Variants in ADAMTS6 observed in about 807,000 individuals in gnomAD.
ADAMTS6 encodes ADAM metallopeptidase with thrombospondin type 1 motif 6, also known as A disintegrin and metalloproteinase with thrombospondin motifs 6.
In ADAMTS6, 23 loss-of-function variants were observed where a neutral mutation model predicts 144.3. The observed-to-expected ratio is 0.16, with a 90% CI of 0.11 to 0.23. The LOEUF is 0.23. ADAMTS6 is among the 10% of genes least tolerant of loss of function. The probability of loss-of-function intolerance (pLI) is 1.00; values close to 1 mark genes in which losing one functional copy is unlikely to be tolerated. For missense variants in ADAMTS6, 999 were observed against 1,379.6 expected, an observed-to-expected ratio of 0.72 and a Z score of 4.37; for synonymous variants, 444 against 457.5, an observed-to-expected ratio of 0.97 and a Z score of 0.38.
chr5:65,184,961 C>A (rs985086139), intron 22 of ADAMTS6, among the ~76,000 whole-genome samples: 7 of 152,124 alleles, frequency 4.6e-5, no homozygotes, highest in Non-Finnish European at 1.0e-4. Context: ...TTGAACCTCA[C>A]CCTTGTGATT....
intron 7 of ADAMTS6, among the ~76,000 whole-genome samples, chr5:65,382,538 G>C (rs995778621): frequency 1.3e-5 from 2 of 152,204 alleles, no homozygotes; most frequent in Non-Finnish European, 2.9e-5. Context: ...AAGCACTTAA[G>C]AATTTCAAGA....
intron 1 of ADAMTS6, among the ~76,000 whole-genome samples, chr5:65,477,155 C>T (rs2150293084): frequency 6.6e-6 from 1 of 152,284 alleles, no homozygotes; most frequent in East Asian, 1.9e-4. Flanking sequence ...TAAACCTTCC[C>T]ATGTAATATT....
At chr5:65,414,042 C>T (rs1484876925) in intron 7 of ADAMTS6, among the ~76,000 whole-genome samples, 1 of 152,094 alleles carries the variant, frequency 6.6e-6, no homozygotes, top group Non-Finnish European at 1.5e-5. Flanking sequence ...TCATAAAACC[C>T]TCATGTACAA....
At chr5:65,413,706 AAATT>A (rs1162189625) in intron 7 of ADAMTS6, among the ~76,000 whole-genome samples, 1 of 152,164 alleles carries the variant, frequency 6.6e-6, no homozygotes, top group East Asian at 1.9e-4. Context: ...TAGAGCAATT[AAATT>A]AATAAAATAT....
At chr5:65,185,136 G>A (rs1256443001) in intron 22 of ADAMTS6, among the ~76,000 whole-genome samples, 1 of 152,140 alleles carries the variant, frequency 6.6e-6, no homozygotes, top group African/African-American at 2.4e-5. Flanking sequence ...ATTAGTGGGA[G>A]GTGTTCCATT....
At chr5:65,396,768 C>G (rs1396203824) in intron 7 of ADAMTS6, among the ~76,000 whole-genome samples, 1 of 152,162 alleles carries the variant, frequency 6.6e-6, no homozygotes, top group East Asian at 1.9e-4. Flanking sequence ...ATGTTTGCAT[C>G]TATGCTCATA....
At chr5:65,179,555 A>G (rs1754204137) in intron 22 of ADAMTS6, among the ~76,000 whole-genome samples, 1 of 152,172 alleles carries the variant, frequency 6.6e-6, no homozygotes, top group Non-Finnish European at 1.5e-5. Flanking sequence ...CTTAATTAGG[A>G]AAGAGGCTAT....
At chr5:65,239,427 T>C (rs1758977477) in intron 15 of ADAMTS6, among the ~76,000 whole-genome samples, 1 of 152,180 alleles carries the variant, frequency 6.6e-6, no homozygotes, top group Non-Finnish European at 1.5e-5. Flanking sequence ...ATCATAGATG[T>C]AAATGTAAGG....
At chr5:65,264,004 C>A (rs1456229482) in intron 12 of ADAMTS6, among the ~76,000 whole-genome samples, 1 of 152,068 alleles carries the variant, frequency 6.6e-6, no homozygotes, top group East Asian at 1.9e-4. Flanking sequence ...ATTCTATCAC[C>A]AAGCTTTGTT....
intron 15 of ADAMTS6, among the ~76,000 whole-genome samples, chr5:65,231,620 T>C (rs1201648148): frequency 6.6e-6 from 1 of 152,136 alleles, no homozygotes; most frequent in African/African-American, 2.4e-5. Context: ...GATACATACA[T>C]GTTAGGCCAC....
intron 7 of ADAMTS6, among the ~76,000 whole-genome samples, chr5:65,389,207 GA>G (rs1265528223): frequency 4.5e-4 from 62 of 137,646 alleles, no homozygotes; most frequent in African/African-American, 6.6e-4. Context: ...CCATCTCAAA[GA>G]AAAAAAAAAA....
At chr5:65,372,842 A>C (rs919634734) in intron 7 of ADAMTS6, among the ~76,000 whole-genome samples, 1 of 152,126 alleles carries the variant, frequency 6.6e-6, no homozygotes, top group Admixed American at 6.5e-5. Flanking sequence ...TCCAAAATTG[A>C]CCACATAGTT....
chr5:65,475,907 G>T (rs1472850679), intron 1 of ADAMTS6, among the ~76,000 whole-genome samples: 1 of 152,108 alleles, frequency 6.6e-6, no homozygotes, highest in Non-Finnish European at 1.5e-5. Flanking sequence ...TGCCCCTGTG[G>T]CAGTGTAGAC....
chr5:65,376,381 G>T (rs372211185), intron 7 of ADAMTS6, among the ~76,000 whole-genome samples: 6 of 152,230 alleles, frequency 3.9e-5, no homozygotes, highest in Admixed American at 3.3e-4. Context: ...AACCCAGGAG[G>T]TGGAGGTTGC....
At chr5:65,232,009 G>A (rs1024630616) in intron 15 of ADAMTS6, among the ~76,000 whole-genome samples, 7 of 152,120 alleles carry the variant, frequency 4.6e-5, no homozygotes, top group African/African-American at 1.7e-4. Flanking sequence ...TACTCGGGAG[G>A]CTGAGGCAGG....
intron 11 of ADAMTS6, among the ~76,000 whole-genome samples, chr5:65,288,764 T>G (rs1741992886): frequency 6.6e-6 from 1 of 152,320 alleles, no homozygotes; most frequent in South Asian, 2.1e-4. Context: ...CTGTATTTAG[T>G]GTTCATTTCA....
Position 65,275,010 on chromosome 5 carries a change from T to C in ADAMTS6, c.1513-1563A>G, listed in dbSNP as rs566607771. 3.3e-5 allele frequency among the ~76,000 whole-genome samples: 5 copies of C among 151,928 alleles called. No individual in the cohort carries two copies. In the East Asian group the frequency reaches 9.7e-4, roughly 29 times the overall value. ...TATTAGGCTTTTAAATACCTAAAAA[T>C]GTTTAAACTCCATTTGGAGAACTAG... On this transcript the variant is annotated intron_variant, in intron 11 of 24. Transcript: ENST00000381055.
intron 7 of ADAMTS6, among the ~76,000 whole-genome samples, chr5:65,450,837 G>C (rs1443140746): frequency 1.3e-5 from 2 of 152,180 alleles, no homozygotes; most frequent in South Asian, 2.1e-4. Flanking sequence ...TTGCTGGAGA[G>C]TAAAGAATAA....
At chr5:65,410,460 C>A (rs889556265) in intron 7 of ADAMTS6, among the ~76,000 whole-genome samples, 1 of 152,050 alleles carries the variant, frequency 6.6e-6, no homozygotes, top group Admixed American at 6.6e-5. Context: ...TATATGTATA[C>A]ATTATGGAAC....
Sources: gnomAD v4.1 joint callset for allele counts (sites outside exome capture counted in the v4.1 genomes callset) on GRCh38, gnomAD v4.1.1 for gene constraint, MANE v1.5 for transcripts, NCBI Gene and HGNC (gene_info 2026-07-23, HGNC 2026-07-21) for gene names.